C1GALT1: variants seen among roughly 807,000 people sequenced by gnomAD.
C1GALT1 encodes core 1 synthase, glycoprotein-N-acetylgalactosamine 3-beta-galactosyltransferase 1.
In C1GALT1, 11 loss-of-function variants were observed where a neutral mutation model predicts 31.0. The observed-to-expected ratio is 0.36, with a 90% CI of 0.22 to 0.59. The LOEUF (loss-of-function observed/expected upper bound fraction) is 0.59. Among genes scored for constraint, C1GALT1 ranks in the 20% least tolerant of loss-of-function variants. The pLI, the probability that C1GALT1 is intolerant of heterozygous loss-of-function variation, is 0.79. For missense variants in C1GALT1, 424 were observed against 425.2 expected (o/e 1.00, Z 0.03); for synonymous variants, 175 against 143.6 (o/e 1.22, Z -1.56).
At chr7:7,198,581 G>A (rs111597021) in intron 1 of C1GALT1, among the ~76,000 whole-genome samples, 4 of 152,084 alleles carry the variant, frequency 2.6e-5, no homozygotes, top group Non-Finnish European at 5.9e-5. Context: ...CTCTTTTTCT[G>A]TTGATTGGGA....
At position 7,238,597 on chromosome 7, in the gene C1GALT1, C is replaced by T; in HGVS notation, c.563C>T (p.Pro188Leu). The change falls in exon 3 of 4, where the codon CCT becomes CTT. Residue 188 changes from proline (P) to leucine (L), a missense_variant. Around this residue, in one of 3 missense-constraint regions of C1GALT1, gnomAD observed 44 missense variants for 78.3 expected, o/e 0.56. Transcript: ENST00000436587. This position sits in a 1 kb window ranked among gnomAD's most constrained non-coding sequence, Gnocchi z 5.2. ...AGGTGGCTTCTTTCAAAATACGACC[C>T]TGAAGAACCCATTTACTTTGGGAGA... is the stretch of plus-strand genomic sequence containing the variant. Reference protein sequence around the residue: ...NLRWLLSKYDPEEPIYFGRRF... With the variant: ...NLRWLLSKYDLEEPIYFGRRF... 1 of 1,614,026 alleles carries T rather than the reference C, an allele frequency of 6.2e-7. No homozygotes were observed. The highest frequency in any genetic ancestry group is 8.5e-7 in the Non-Finnish European group (1 of 1,179,970).
chr7:7,203,946 T>A (rs903857943), intron 1 of C1GALT1, among the ~76,000 whole-genome samples: 3 of 152,056 alleles, frequency 2.0e-5, no homozygotes, highest in African/African-American at 7.2e-5. Context: ...TTTTGCATCC[T>A]TTAACACATC....
intron 1 of C1GALT1, among the ~76,000 whole-genome samples, chr7:7,220,995 A>T (rs76798132): frequency 6.6e-6 from 1 of 151,640 alleles, no homozygotes; most frequent in Admixed American, 6.6e-5. Flanking sequence ...CCTCTCTCTG[A>T]AAGTTTGCAG....
intron 2 of C1GALT1, among the ~76,000 whole-genome samples, chr7:7,167,758 G>A (rs375156053): frequency 5.9e-5 from 9 of 152,088 alleles, no homozygotes; most frequent in East Asian, 5.8e-4. Context: ...TTCTCACAGC[G>A]CCCAGTCCCT....
At chr7:7,196,411 A>G (rs892776252) in intron 1 of C1GALT1, among the ~76,000 whole-genome samples, 2 of 152,078 alleles carry the variant, frequency 1.3e-5, no homozygotes, top group Non-Finnish European at 2.9e-5. Context: ...TTTTATGGCT[A>G]TATAGTATTC....
chr7:7,182,874 C>G, intron 1 of C1GALT1, 54 bp downstream of exon 1: 1 of 982,322 alleles, frequency 1.0e-6, no homozygotes, highest in Non-Finnish European at 1.2e-6. Context: ...CGTCTCCCCT[C>G]GCCCTCCCCC....
At chr7:7,185,207 C>T (rs1351424778) in intron 1 of C1GALT1, among the ~76,000 whole-genome samples, 1 of 152,106 alleles carries the variant, frequency 6.6e-6, no homozygotes, top group African/African-American at 2.4e-5. Context: ...TATGTGCTGC[C>T]TTGCACATTG....
At chr7:7,171,767 T>C (rs1283407964) in intron 2 of C1GALT1, among the ~76,000 whole-genome samples, 2 of 152,160 alleles carry the variant, frequency 1.3e-5, no homozygotes, top group African/African-American at 4.8e-5. Flanking sequence ...ATTTTCTTTG[T>C]GGTTACCATA....
intron 1 of C1GALT1, among the ~76,000 whole-genome samples, chr7:7,226,703 C>T (rs1415765954): frequency 6.6e-6 from 1 of 152,134 alleles, no homozygotes; most frequent in Non-Finnish European, 1.5e-5. Flanking sequence ...AAACTGCTTG[C>T]TGAAACCCAG....
In C1GALT1 at chr7:7,247,203, T is replaced by A. The variant is rs1002029838; in HGVS notation, c.*3476T>A. The A allele has an allele frequency of 1.3e-5, 2 of 152,152 alleles. No homozygotes were observed. The highest frequency in any genetic ancestry group is 6.5e-5 in the Admixed American group (1 of 15,268). 9.4% of individuals were successfully genotyped at this position (152,152 alleles called of 1,614,324 possible). A position where few individuals can be genotyped will look rare whatever the true frequency, so the allele number is the denominator to read the frequency against. ...AGCAAAAGAAAAATAAAAAAGCAAT[T>A]CTCCAAGTACTTCATAGAGCACATA... On this transcript the variant is annotated 3_prime_UTR_variant, in exon 4 of 4. Coordinates refer to ENST00000436587, the MANE Select transcript of C1GALT1 (RefSeq NM_020156.5).
chr7:7,180,057 T>C (rs1168458708), upstream of C1GALT1, among the ~76,000 whole-genome samples: 3 of 152,192 alleles, frequency 2.0e-5, no homozygotes, highest in African/African-American at 7.2e-5. Context: ...AAATCAGAGT[T>C]CTACTAGTAA....
At chr7:7,163,053 C>A (rs1418818653) in intron 2 of C1GALT1, among the ~76,000 whole-genome samples, 3 of 152,094 alleles carry the variant, frequency 2.0e-5, no homozygotes, top group African/African-American at 7.2e-5. Flanking sequence ...AATTTTCTCC[C>A]ATTCTGTAGG....
intron 1 of C1GALT1, among the ~76,000 whole-genome samples, chr7:7,232,707 C>G (rs1383075936): frequency 6.6e-6 from 1 of 152,076 alleles, no homozygotes; most frequent in African/African-American, 2.4e-5. Context: ...CCAGGCTGGT[C>G]TTGAACTCCT....
In C1GALT1 at chr7:7,248,360, G is replaced by T. The variant is rs1215085518; in HGVS notation, c.*4633G>T. ...CCTGCAAATTAATAATCTACATGAA[G>T]TATATTATTAGAGGGAAACTAATCT... On this transcript the variant is annotated 3_prime_UTR_variant, in exon 4 of 4. Transcript: ENST00000436587. The T allele has an allele frequency of 2.0e-5, 3 of 151,858 alleles. No individual in the cohort carries two copies. Among genetic ancestry groups the T allele is most frequent in the Admixed American group, 2.0e-4 (3 of 15,246 alleles). The allele number at this position is 151,858 out of a possible 1,614,324, so 9.4% of individuals were successfully genotyped here. A position where few individuals can be genotyped will look rare whatever the true frequency, so the allele number is the denominator to read the frequency against.
intron 1 of C1GALT1, among the ~76,000 whole-genome samples, chr7:7,225,415 T>G (rs987820700): frequency 1.2e-4 from 18 of 152,230 alleles, no homozygotes; most frequent in Non-Finnish European, 1.6e-4. Flanking sequence ...GAAAATAATT[T>G]TTGAGCTTTA....
At chr7:7,168,114 A>T (rs1019295025) in intron 2 of C1GALT1, among the ~76,000 whole-genome samples, 1 of 152,328 alleles carries the variant, frequency 6.6e-6, no homozygotes, top group East Asian at 1.9e-4. Flanking sequence ...CCTAGTGATA[A>T]TGCAAAGGAA....
rs763383692 is a variant in C1GALT1 at position 7,238,362 on chromosome 7, A to G, written c.328A>G (p.Thr110Ala). Residue 110 changes from threonine (T) to alanine (A), a missense_variant, in exon 3 of 4, where the codon ACT becomes GCT. By Grantham distance (58) the Thr-to-Ala change is moderately conservative (BLOSUM62 0). Coordinates refer to ENST00000436587, the MANE Select transcript of C1GALT1 (RefSeq NM_020156.5). The surrounding 1 kb of genome is among the most constrained non-coding windows in gnomAD (Gnocchi z 5.2). ...LEKKAKHVKA[T>A]WAQRCNKVLF... ...GAAAAAGGCCAAACACGTCAAAGCT[A>G]CTTGGGCCCAGCGTTGTAACAAAGT... The G allele has an allele frequency of 1.2e-6, 2 of 1,614,134 alleles. No homozygotes were observed. Among genetic ancestry groups the G allele is most frequent in the South Asian group, 1.1e-5 (1 of 91,086 alleles).
intron 1 of C1GALT1, among the ~76,000 whole-genome samples, chr7:7,204,453 CT>C (rs1444268993): frequency 6.6e-6 from 1 of 151,874 alleles, no homozygotes; most frequent in Non-Finnish European, 1.5e-5. Flanking sequence ...TGAGTCTTTT[CT>C]TTTTTTCTTA....
intron 1 of C1GALT1, among the ~76,000 whole-genome samples, chr7:7,207,299 T>C (rs1781783020): frequency 6.6e-6 from 1 of 150,704 alleles, no homozygotes; most frequent in African/African-American, 2.4e-5. Context: ...TGTATCCTTT[T>C]AGGTTTTCAT....
Sources: allele counts gnomAD v4.1 joint callset (sites outside exome capture counted in the v4.1 genomes callset), GRCh38; gene constraint gnomAD v4.1.1; regional missense constraint gnomAD v4.1.1; non-coding constraint Gnocchi (gnomAD v3.1); transcripts MANE v1.5; gene names NCBI Gene and HGNC (gene_info 2026-07-23, HGNC 2026-07-21).